The following HMCN1 variants were observed in gnomAD, a reference collection of about 807,000 sequenced individuals.
HMCN1 encodes hemicentin-1.
A neutral mutation model predicts 625.9 loss-of-function variants in HMCN1; 321 were observed. The ratio of observed to expected loss-of-function variants is 0.51; its 90% confidence interval spans 0.47 to 0.56. The LOEUF (loss-of-function observed/expected upper bound fraction) is 0.56. Among genes scored for constraint, HMCN1 ranks in the 20% least tolerant of loss-of-function variants. The pLI is 0.00. For missense variants in HMCN1, 6,588 were observed against 6,887.3 expected (o/e 0.96, Z 1.54); for synonymous variants, 2,425 against 2,417.6 (o/e 1.00, Z -0.09).
chr1:185,942,360 A>T (rs1473805466), intron 11 of HMCN1, among the ~76,000 whole-genome samples: 1 of 152,198 alleles, frequency 6.6e-6, no homozygotes, highest in East Asian at 1.9e-4. Context: ...GATGGCTTTA[A>T]GTGAGCTAGT....
intron 19 of HMCN1, among the ~76,000 whole-genome samples, chr1:185,986,826 C>CAAAA (rs1239432106): frequency 1.7e-5 from 1 of 60,284 alleles, no homozygotes. Context: ...GACCCTGTCT[C>CAAAA]AAAAAAAAAA....
rs530600889 is a variant in HMCN1 at position 185,947,884 on chromosome 1, T to G, written c.1828+14060T>G. 2.0e-5 allele frequency among the ~76,000 whole-genome samples: 3 copies of G among 152,356 alleles called. No individual in the cohort carries two copies. The South Asian group carries it at 6.2e-4, about 32-fold the overall frequency. On this transcript the variant is annotated intron_variant, in intron 11 of 106. Coordinates refer to ENST00000271588, the MANE Select transcript of HMCN1 (RefSeq NM_031935.3). ...AATCATTCTTAGTGAGATTTTGTAT[T>G]TTTCATTGTGCTAGTTTCACGTGGA... is the stretch of plus-strand genomic sequence containing the variant.
At chr1:186,106,520 G>A (rs189908283) in intron 69 of HMCN1, among the ~76,000 whole-genome samples, 6 of 152,130 alleles carry the variant, frequency 3.9e-5, no homozygotes, top group East Asian at 3.9e-4. Context: ...GAAAGGCTTC[G>A]TTTTAACTTT....
chr1:185,909,194 A>T lies in HMCN1; in HGVS notation c.622-143A>T, dbSNP rs187921101. The T allele has an allele frequency of 9.2e-6, 6 of 650,212 alleles. No homozygotes were observed. In the African/African-American group the frequency reaches 1.1e-4, roughly 12 times the overall value. 40.3% of individuals were successfully genotyped at this position (650,212 alleles called of 1,614,324 possible). ...ACTAACCAGAATTAGAAAGAGTCCT[A>T]TCTTCAGTAATGACCGAAATAAATT... is the stretch of plus-strand genomic sequence containing the variant. On this transcript the variant is annotated intron_variant, in intron 4 of 106. Transcript: ENST00000271588.
intron 39 of HMCN1, 37 bp downstream of exon 39, chr1:186,039,916 T>A: frequency 6.3e-7 from 1 of 1,590,196 alleles, no homozygotes; most frequent in Non-Finnish European, 8.6e-7. Context: ...ATTTACCACC[T>A]GATTATTCAG....
intron 1 of HMCN1, among the ~76,000 whole-genome samples, chr1:185,836,577 G>A (rs373712745): frequency 7.9e-5 from 12 of 152,148 alleles, no homozygotes; most frequent in African/African-American, 2.6e-4. Flanking sequence ...AAATGTTCGT[G>A]TCCTTTTATT....
At chr1:186,136,644 G>A in intron 86 of HMCN1, 24 bp from the exon 87 acceptor site, 1 of 1,612,782 alleles carries the variant, frequency 6.2e-7, no homozygotes, top group South Asian at 1.1e-5. Context: ...CAAAAACTGA[G>A]ACACTATGTG....
chr1:186,108,387 T>C, intron 70 of HMCN1, 74 bp from the exon 71 acceptor site: 1 of 1,607,706 alleles, frequency 6.2e-7, no homozygotes, highest in Non-Finnish European at 8.5e-7. Flanking sequence ...TATTATTTCA[T>C]ATAGCAGAAC....
chr1:185,865,078 T>C (rs2102356648), intron 3 of HMCN1, among the ~76,000 whole-genome samples: 1 of 152,340 alleles, frequency 6.6e-6, no homozygotes, highest in South Asian at 2.1e-4. Flanking sequence ...GCTCAGTTGA[T>C]CTAGGCCAGG....
Position 186,114,092 on chromosome 1 carries a change from G to A in HMCN1, c.11245G>A (p.Asp3749Asn), listed in dbSNP as rs138705216. Residue 3749 changes from aspartate to asparagine, a missense_variant, in exon 73 of 107, where the codon GAT (aspartate) becomes AAT (asparagine). Asp to Asn is a conservative substitution (Grantham distance 23). Around this residue, in one of 3 missense-constraint regions of HMCN1, gnomAD observed 4,628 missense variants for 4,853.1 expected, o/e 0.95. Coordinates refer to ENST00000271588, the MANE Select transcript of HMCN1 (RefSeq NM_031935.3). Reference sequence around the variant, plus strand: ...AACTCCAAGGATAACATGGAGAAAGGATGGAGCTGTTCTAGCTGGGAATCA... The same window carrying A: ...AACTCCAAGGATAACATGGAGAAAGAATGGAGCTGTTCTAGCTGGGAATCA... ...VPTPRITWRK[D>N]GAVLAGNHAR... The A allele has an allele frequency of 6.2e-6, 10 of 1,614,126 alleles. No homozygotes were observed. The East Asian group carries it at 2.2e-4, about 36-fold the overall frequency.
rs1224944167 is a variant in HMCN1 at position 185,891,700 on chromosome 1, C to T, written c.622-17637C>T. 2.7e-5 allele frequency among the ~76,000 whole-genome samples: 4 copies of T among 148,186 alleles called. No homozygotes were observed. The South Asian group carries it at 6.2e-4, about 23-fold the overall frequency. ...GATCCGCTGTTAGTCTGATGGGCTT[C>T]CCTTTGAGGGTAACCCGACCTTTCT... is the stretch of plus-strand genomic sequence containing the variant. On this transcript the variant is annotated intron_variant, in intron 4 of 106. Transcript: ENST00000271588.
At chr1:186,121,384 GTGTGTTATTGTCC>G (rs1661389985) in intron 80 of HMCN1, among the ~76,000 whole-genome samples, 1 of 152,192 alleles carries the variant, frequency 6.6e-6, no homozygotes. Flanking sequence ...TGGAGTTGTA[GTGTGTTATTGTCC>G]AAGAGTGGAG....
At chr1:186,041,878 C>T (rs1656231767) in intron 40 of HMCN1, among the ~76,000 whole-genome samples, 1 of 152,188 alleles carries the variant, frequency 6.6e-6, no homozygotes, top group African/African-American at 2.4e-5. Flanking sequence ...GAATGCAAGC[C>T]TTCTCCTTAA....
intron 71 of HMCN1, among the ~76,000 whole-genome samples, chr1:186,110,977 C>CTTTTTTTT (rs557887846): frequency 0.012 from 710 of 61,600 alleles, 220 homozygotes; most frequent in African/African-American, 0.051. Context: ...AGAGAAAATT[C>CTTTTTTTT]TTTTTTTTTT....
chr1:186,102,930 G>A (rs1660448100), intron 68 of HMCN1, among the ~76,000 whole-genome samples: 1 of 152,076 alleles, frequency 6.6e-6, no homozygotes, highest in Admixed American at 6.6e-5. Context: ...AAAAGAGGAA[G>A]TTACTCCCAT....
chr1:185,932,674 A>G (rs1030835494), intron 10 of HMCN1, among the ~76,000 whole-genome samples: 1 of 151,832 alleles, frequency 6.6e-6, no homozygotes, highest in Admixed American at 6.6e-5. Context: ...AACGATGAGA[A>G]CACGTGGACA....
rs371500550 is a variant in HMCN1 at position 186,171,219 on chromosome 1, ATAGGTTT to A, written c.15575-114_15575-108del. 1.7e-5 allele frequency: 13 copies of A among 755,224 alleles called. No homozygotes were observed. The African/African-American group carries it at 2.2e-4, about 13-fold the overall frequency. 46.8% of individuals were successfully genotyped at this position (755,224 alleles called of 1,614,324 possible). A position where few individuals can be genotyped will look rare whatever the true frequency, so the allele number is the denominator to read the frequency against. ...AGATCACATGAGTGCAATATATTGGATAGGTTTTAGAGAAGATCTTAAACATGGTAAT... is the reference window on the plus strand; with the variant it reads ...AGATCACATGAGTGCAATATATTGGATAGAGAAGATCTTAAACATGGTAAT... On this transcript the variant is annotated intron_variant, in intron 100 of 106. Transcript: ENST00000271588.
chr1:185,843,196 C>G (rs150759702), intron 1 of HMCN1, among the ~76,000 whole-genome samples: 1 of 152,224 alleles, frequency 6.6e-6, no homozygotes, highest in African/African-American at 2.4e-5. Context: ...AAATATGCAG[C>G]TTTATTCATC....
chr1:185,993,953 A>G (rs1203540210), intron 23 of HMCN1, among the ~76,000 whole-genome samples: 2 of 152,114 alleles, frequency 1.3e-5, no homozygotes, highest in Non-Finnish European at 2.9e-5. Context: ...TGTGGTGTGA[A>G]GTCACACCAG....
Sources: gnomAD v4.1 joint callset for allele counts (sites outside exome capture counted in the v4.1 genomes callset) on GRCh38, gnomAD v4.1.1 for gene constraint, gnomAD v4.1.1 regional missense constraint, MANE v1.5 for transcripts, NCBI Gene and HGNC (gene_info 2026-07-23, HGNC 2026-07-21) for gene names.